Variants in SGCZ observed in about 807,000 individuals in gnomAD.
The protein encoded by SGCZ is sarcoglycan zeta, also known as zeta-sarcoglycan.
Under a neutral mutation model 41.3 loss-of-function variants are expected in SGCZ, and 40 were observed. That is an observed-to-expected ratio of 0.97 (90% confidence interval 0.75 to 1.26). The LOEUF (loss-of-function observed/expected upper bound fraction) is 1.26, where lower values mean the gene tolerates loss of function less well. SGCZ is among the 50% of genes most tolerant of loss of function. SGCZ has a pLI of 0.00. For missense variants in SGCZ, 552 were observed against 369.8 expected (o/e 1.49, Z -4.04); for synonymous variants, 206 against 137.5 (o/e 1.50, Z -3.49).
At chr8:15,189,427 G>T (rs888496831) in intron 1 of SGCZ, among the ~76,000 whole-genome samples, 1 of 152,092 alleles carries the variant, frequency 6.6e-6, no homozygotes, top group African/African-American at 2.4e-5. Flanking sequence ...TTTTTGTAAA[G>T]AAAGCTTTCC....
At position 14,322,513 on chromosome 8, in the gene SGCZ, A is replaced by T. The variant is rs111708023; in HGVS notation, c.336+1590T>A. Among the ~76,000 whole-genome samples the T allele has an allele frequency of 3.9e-5, 6 of 152,132 alleles. 1 individual carries two copies. The highest frequency in any genetic ancestry group is 1.4e-4 in the African/African-American group (6 of 41,536). ...TACTCCTGTTTCTCAAGAGAATCCT[A>T]ATTTGACACCTGTTGTTATGCTCTC... On this transcript the variant is annotated intron_variant, in intron 3 of 7. Coordinates refer to ENST00000382080, the MANE Select transcript of SGCZ (RefSeq NM_139167.4).
intron 4 of SGCZ, among the ~76,000 whole-genome samples, chr8:14,210,007 T>TGAC (rs1805748178): frequency 1.7e-5 from 2 of 114,532 alleles, no homozygotes; most frequent in Non-Finnish European, 3.6e-5. Context: ...AGCCTTCAGA[T>TGAC]TCTTATGTTT....
intron 1 of SGCZ, among the ~76,000 whole-genome samples, chr8:14,630,231 T>C (rs967636276): frequency 7.6e-6 from 1 of 131,518 alleles, no homozygotes; most frequent in South Asian, 2.4e-4. Context: ...TTCACATGTG[T>C]TTTGATTTTT....
At chr8:14,237,251 TAAC>T (rs1481554975) in intron 4 of SGCZ, among the ~76,000 whole-genome samples, 1 of 152,010 alleles carries the variant, frequency 6.6e-6, no homozygotes, top group African/African-American at 2.4e-5. Context: ...GCAAGAGTAA[TAAC>T]TACTAAATAC....
intron 1 of SGCZ, among the ~76,000 whole-genome samples, chr8:14,966,078 A>G (rs1052201988): frequency 1.2e-4 from 19 of 152,172 alleles, no homozygotes; most frequent in Non-Finnish European, 2.1e-4. Context: ...AGACTTAAAA[A>G]CTGAACATGA....
chr8:14,112,036 A>AT (rs1414655159), intron 5 of SGCZ, among the ~76,000 whole-genome samples: 1 of 152,124 alleles, frequency 6.6e-6, no homozygotes, highest in Non-Finnish European at 1.5e-5. Context: ...ACATCCATGT[A>AT]TTTTTTACAG....
chr8:14,917,246 T>C lies in SGCZ; in HGVS notation c.39+320339A>G, dbSNP rs920599996. On this transcript the variant is annotated intron_variant, in intron 1 of 7. Transcript: ENST00000382080. ...ATAATTAATTTTATACAGTGTTCTA[T>C]GGACAATAATAATGTAATATTTTAA... is the stretch of plus-strand genomic sequence containing the variant. Among the ~76,000 whole-genome samples, 4 of 152,238 alleles carry C rather than the reference T, an allele frequency of 2.6e-5. No homozygotes were observed. In the East Asian group the frequency reaches 7.7e-4, roughly 29 times the overall value.
chr8:14,670,582 A>G (rs1455209007), intron 1 of SGCZ, among the ~76,000 whole-genome samples: 2 of 152,218 alleles, frequency 1.3e-5, no homozygotes, highest in African/African-American at 4.8e-5. Flanking sequence ...AGCAGATCTA[A>G]TCTACAAAAT....
chr8:14,186,050 T>C (rs1286831611), intron 4 of SGCZ, among the ~76,000 whole-genome samples: 1 of 152,190 alleles, frequency 6.6e-6, no homozygotes, highest in Non-Finnish European at 1.5e-5. Context: ...CCAATTTATT[T>C]TTTCCTTCTA....
intron 2 of SGCZ, among the ~76,000 whole-genome samples, chr8:14,415,850 G>A (rs796374420): frequency 2.0e-5 from 3 of 151,902 alleles, no homozygotes; most frequent in African/African-American, 7.2e-5. Context: ...CACATAACTT[G>A]GCCAGTGTGG....
At chr8:14,763,243 T>A (rs1799944307) in intron 1 of SGCZ, among the ~76,000 whole-genome samples, 1 of 152,034 alleles carries the variant, frequency 6.6e-6, no homozygotes, top group Non-Finnish European at 1.5e-5. Flanking sequence ...CTTATATTAT[T>A]GCAAGCTTGT....
chr8:14,169,414 G>A (rs754955280), intron 4 of SGCZ, among the ~76,000 whole-genome samples: 10 of 152,042 alleles, frequency 6.6e-5, no homozygotes, highest in South Asian at 2.1e-4. Flanking sequence ...GCATTATCTC[G>A]TCAGTATTAC....
chr8:14,148,447 T>C (rs1407870972), intron 5 of SGCZ, among the ~76,000 whole-genome samples: 3 of 151,914 alleles, frequency 2.0e-5, no homozygotes, highest in Non-Finnish European at 4.4e-5. Context: ...AATGGACAAA[T>C]TTCTAGACAC....
intron 1 of SGCZ, among the ~76,000 whole-genome samples, chr8:14,960,050 G>A (rs1800914382): frequency 6.6e-6 from 1 of 152,180 alleles, no homozygotes; most frequent in South Asian, 2.1e-4. Flanking sequence ...CAACTGTGAA[G>A]CAAAGAGGTT....
chr8:14,688,675 C>G (rs973520496), intron 1 of SGCZ, among the ~76,000 whole-genome samples: 23 of 151,982 alleles, frequency 1.5e-4, no homozygotes, highest in Non-Finnish European at 3.4e-4. Context: ...CTTGGCAATG[C>G]GGGCTCTTTT....
chr8:14,389,363 A>C (rs1241894502), intron 2 of SGCZ, among the ~76,000 whole-genome samples: 4 of 151,878 alleles, frequency 2.6e-5, no homozygotes, highest in African/African-American at 7.2e-5. Flanking sequence ...ACTCAGATTA[A>C]AAAAGTAAAT....
chr8:14,877,790 G>A (rs73666911), intron 1 of SGCZ, among the ~76,000 whole-genome samples: 60 of 151,954 alleles, frequency 3.9e-4, no homozygotes, highest in South Asian at 2.5e-3. Flanking sequence ...ATATTTATTC[G>A]TTTTTTTATG....
chr8:14,291,291 G>C (rs1281624748), intron 3 of SGCZ, among the ~76,000 whole-genome samples: 1 of 151,940 alleles, frequency 6.6e-6, no homozygotes, highest in East Asian at 1.9e-4. Context: ...ATAGCTAGAA[G>C]AGGGGTTTTT....
At chr8:14,770,799 G>A (rs1335156845) in intron 1 of SGCZ, among the ~76,000 whole-genome samples, 2 of 151,952 alleles carry the variant, frequency 1.3e-5, no homozygotes, top group Non-Finnish European at 2.9e-5. Context: ...TTAATGAAAT[G>A]CAAAAAGTGC....
Sources: gnomAD v4.1 joint callset for allele counts (sites outside exome capture counted in the v4.1 genomes callset) on GRCh38, gnomAD v4.1.1 for gene constraint, MANE v1.5 for transcripts, NCBI Gene and HGNC (gene_info 2026-07-23, HGNC 2026-07-21) for gene names.